The following XYLT1 variants were observed in gnomAD, a reference collection of about 807,000 sequenced individuals.
XYLT1 encodes beta-D-xylosyltransferase 1.
In XYLT1, 36 loss-of-function variants were observed where a neutral mutation model predicts 91.3. The ratio of observed to expected loss-of-function variants is 0.39; its 90% CI spans 0.30 to 0.52. The LOEUF (loss-of-function observed/expected upper bound fraction) is 0.52, where lower values mean the gene tolerates loss of function less well. XYLT1 is among the 20% of genes least tolerant of loss of function. The probability of loss-of-function intolerance (pLI) is 0.68; values close to 1 mark genes in which losing one functional copy is unlikely to be tolerated. For synonymous variants in XYLT1, 588 were observed against 532.0 expected (o/e 1.11, Z -1.45); for missense variants, 1,242 against 1,284.5 (o/e 0.97, Z 0.51).
At chr16:17,450,130 G>A (rs764555376) in intron 1 of XYLT1, among the ~76,000 whole-genome samples, 33 of 152,098 alleles carry the variant, frequency 2.2e-4, no homozygotes, top group East Asian at 1.7e-3. Context: ...TTGAGGTCAG[G>A]AGTTCAAGAC....
intron 1 of XYLT1, among the ~76,000 whole-genome samples, chr16:17,418,773 T>C (rs1194259914): frequency 1.3e-5 from 2 of 151,760 alleles, no homozygotes; most frequent in Non-Finnish European, 2.9e-5. Context: ...GCTTGAGACC[T>C]GGACATTGAG....
At chr16:17,429,745 C>T (rs571703651) in intron 1 of XYLT1, among the ~76,000 whole-genome samples, 45 of 152,202 alleles carry the variant, frequency 3.0e-4, no homozygotes, top group African/African-American at 9.2e-4. Context: ...TGCATTACTG[C>T]GTGAGCTGAG....
chr16:17,410,633 C>T (rs1364545919), intron 1 of XYLT1, among the ~76,000 whole-genome samples: 1 of 150,770 alleles, frequency 6.6e-6, no homozygotes, highest in Non-Finnish European at 1.5e-5. Flanking sequence ...CAAACCATAT[C>T]ACCTGTCATT....
chr16:17,118,055 C>T (rs1169625027), intron 10 of XYLT1, 76 bp from the exon 11 acceptor site: 9 of 1,438,000 alleles, frequency 6.3e-6, no homozygotes, highest in Non-Finnish European at 8.5e-6. Flanking sequence ...CTAGGATCCC[C>T]TTTGTTAGCT....
At chr16:17,366,451 C>T (rs1050304858) in intron 1 of XYLT1, among the ~76,000 whole-genome samples, 5 of 152,116 alleles carry the variant, frequency 3.3e-5, no homozygotes, top group African/African-American at 9.7e-5. Context: ...GCCTGTAATC[C>T]GTGGAGGCCA....
At chr16:17,363,306 C>A (rs1235482836) in intron 1 of XYLT1, among the ~76,000 whole-genome samples, 1 of 152,172 alleles carries the variant, frequency 6.6e-6, no homozygotes, top group East Asian at 1.9e-4. Flanking sequence ...CCATACATAA[C>A]CACTGTATTC....
chr16:17,389,563 G>C (rs1053510418), intron 1 of XYLT1, among the ~76,000 whole-genome samples: 1 of 152,228 alleles, frequency 6.6e-6, no homozygotes, highest in Non-Finnish European at 1.5e-5. Flanking sequence ...GCCAGGCATA[G>C]AACACTTCTG....
intron 2 of XYLT1, chr16:17,354,560 C>T (rs1257154381): frequency 2.6e-5 from 4 of 152,232 alleles, no homozygotes; most frequent in Non-Finnish European, 5.9e-5. Context: ...AAGGACACAG[C>T]TCTCAGTGAA....
chr16:17,379,761 T>TCACACACACACACACACACACACA (rs1466780792), intron 1 of XYLT1, among the ~76,000 whole-genome samples: 1 of 117,680 alleles, frequency 8.5e-6, no homozygotes, highest in African/African-American at 3.8e-5. Flanking sequence ...TCTCTCTCTC[T>TCACACACACACACACACACACACA]CTCACACACA....
intron 6 of XYLT1, among the ~76,000 whole-genome samples, chr16:17,146,146 G>A (rs1206931764): frequency 2.0e-5 from 3 of 151,590 alleles, no homozygotes; most frequent in African/African-American, 7.3e-5. Flanking sequence ...TCACTCAGGG[G>A]AATTACTTGA....
chr16:17,153,025 C>G (rs2031319101), intron 6 of XYLT1, among the ~76,000 whole-genome samples: 2 of 151,946 alleles, frequency 1.3e-5, no homozygotes, highest in Admixed American at 6.6e-5. Context: ...AGTTATTGAA[C>G]ATAAGAGTTA....
chr16:17,427,448 G>A (rs546062167), intron 1 of XYLT1, among the ~76,000 whole-genome samples: 40 of 152,234 alleles, frequency 2.6e-4, no homozygotes, highest in African/African-American at 8.2e-4. Context: ...GTGCACCGCC[G>A]CACCTGGCTG....
At chr16:17,351,244 G>T (rs1378306002) in intron 2 of XYLT1, among the ~76,000 whole-genome samples, 1 of 152,164 alleles carries the variant, frequency 6.6e-6, no homozygotes, top group African/African-American at 2.4e-5. Flanking sequence ...GGCCAGGCAT[G>T]TGGCTCATGC....
At chr16:17,182,196 T>A (rs533309762) in intron 5 of XYLT1, among the ~76,000 whole-genome samples, 43 of 152,296 alleles carry the variant, frequency 2.8e-4, no homozygotes, top group African/African-American at 9.1e-4. Flanking sequence ...GACAGGTACC[T>A]TGGTCTGTAC....
At chr16:17,352,898 C>T (rs2035241285) in intron 2 of XYLT1, among the ~76,000 whole-genome samples, 1 of 152,230 alleles carries the variant, frequency 6.6e-6, no homozygotes, top group Admixed American at 6.5e-5. Flanking sequence ...CTTGTCTCCA[C>T]ATGGCCCAAT....
intron 2 of XYLT1, among the ~76,000 whole-genome samples, chr16:17,348,989 T>TTGC (rs2035183426): frequency 6.6e-6 from 1 of 152,248 alleles, no homozygotes; most frequent in Non-Finnish European, 1.5e-5. Context: ...CACTGCCTTG[T>TTGC]TGCTCAGTGG....
At chr16:17,116,956 C>T (rs59799219) in intron 11 of XYLT1, among the ~76,000 whole-genome samples, 142 of 152,096 alleles carry the variant, frequency 9.3e-4, no homozygotes, top group Non-Finnish European at 1.9e-3. Context: ...TTTTTTTCCT[C>T]TCTTTTATAG....
rs76738314 is a variant in XYLT1, at chr16:17,183,499, T to C, written c.1289+14713A>G. Among the ~76,000 whole-genome samples, 792 of 152,292 alleles carry C rather than the reference T, an allele frequency of 5.2e-3. 4 individuals are homozygous for C. The highest frequency in any genetic ancestry group is 0.017 in the African/African-American group (719 of 41,558). On this transcript the variant is annotated intron_variant, in intron 5 of 11. Coordinates refer to ENST00000261381, the MANE Select transcript of XYLT1 (RefSeq NM_022166.4). ...CCCCGTGATGAAAGAAGCATGCATT[T>C]AAATCCTGGCTCCAACCCCCACCAG...
intron 4 of XYLT1, among the ~76,000 whole-genome samples, chr16:17,200,169 G>A (rs1053789610): frequency 7.9e-5 from 12 of 151,734 alleles, no homozygotes; most frequent in African/African-American, 2.9e-4. Context: ...TGCAGTGAGC[G>A]GAGATCATGC....
Sources: allele counts gnomAD v4.1 joint callset (sites outside exome capture counted in the v4.1 genomes callset), GRCh38; gene constraint gnomAD v4.1.1; transcripts MANE v1.5; gene names NCBI Gene and HGNC (gene_info 2026-07-23, HGNC 2026-07-21).